The following MYRIP variants were observed in gnomAD, a reference collection of about 807,000 sequenced individuals.
The protein encoded by MYRIP is rab effector MyRIP.
Under a neutral mutation model 98.0 loss-of-function variants are expected in MYRIP, and 49 were observed. The ratio of observed to expected loss-of-function variants is 0.50; its 90% confidence interval spans 0.40 to 0.63. The LOEUF (loss-of-function observed/expected upper bound fraction) is 0.63. Ranked by LOEUF, MYRIP falls within the 30% of genes least tolerant of loss-of-function variation. The pLI is 0.00. For missense variants in MYRIP, 1,004 were observed against 1,058.2 expected, an observed-to-expected ratio of 0.95 and a Z score of 0.71; for synonymous variants, 404 against 409.5, an observed-to-expected ratio of 0.99 and a Z score of 0.16.
chr3:39,946,009 C>CAA (rs5848543), intron 2 of MYRIP, among the ~76,000 whole-genome samples: 30 of 149,406 alleles, frequency 2.0e-4, no homozygotes, highest in African/African-American at 6.1e-4. Context: ...AGGTAATGGC[C>CAA]AAAAAAAAAG....
intron 1 of MYRIP, among the ~76,000 whole-genome samples, chr3:39,872,461 A>G (rs1942828895): frequency 6.6e-6 from 1 of 151,382 alleles, no homozygotes; most frequent in African/African-American, 2.4e-5. Context: ...AGCATTAGTT[A>G]TATCTCCTAA....
intron 1 of MYRIP, among the ~76,000 whole-genome samples, chr3:39,879,793 C>CCA (rs146313980): frequency 4.0e-5 from 6 of 151,274 alleles, no homozygotes; most frequent in East Asian, 1.9e-4. Flanking sequence ...GGCATCTCTC[C>CCA]CACACACACA....
chr3:40,009,630 G>A (rs1946714227), intron 2 of MYRIP, among the ~76,000 whole-genome samples: 1 of 152,146 alleles, frequency 6.6e-6, no homozygotes, highest in Non-Finnish European at 1.5e-5. Context: ...GGGCATACAT[G>A]TCTTCTGGAT....
chr3:40,205,584 A>G lies in MYRIP; in HGVS notation c.1666-4270A>G, dbSNP rs188564333. On this transcript the variant is annotated intron_variant, in intron 10 of 16. Coordinates refer to ENST00000302541, the MANE Select transcript of MYRIP (RefSeq NM_015460.4). ...AGATTACTTAAAATGTTTTGTACCC[A>G]GATACAGACATTGCTCATAGTTATC... is the stretch of plus-strand genomic sequence containing the variant. 1.2e-4 allele frequency among the ~76,000 whole-genome samples: 19 copies of G among 152,310 alleles called. No homozygotes were observed. In the East Asian group the frequency reaches 3.7e-3, roughly 29 times the overall value.
chr3:40,045,561 T>C (rs376244621), intron 3 of MYRIP, among the ~76,000 whole-genome samples: 102 of 152,208 alleles, frequency 6.7e-4, no homozygotes, highest in African/African-American at 2.2e-3. Flanking sequence ...TCAGTCAAGG[T>C]GGGGTAAGCC....
chr3:39,958,281 C>T (rs2125728266), intron 2 of MYRIP, among the ~76,000 whole-genome samples: 1 of 152,262 alleles, frequency 6.6e-6, no homozygotes, highest in South Asian at 2.1e-4. Flanking sequence ...TCAAACTATA[C>T]TACAAGGCTA....
chr3:40,253,090 C>T (rs1953432347), intron 16 of MYRIP, among the ~76,000 whole-genome samples: 1 of 152,158 alleles, frequency 6.6e-6, no homozygotes, highest in African/African-American at 2.4e-5. Flanking sequence ...CAGAATAACC[C>T]ACTGACAGTT....
At position 40,212,257 on chromosome 3, in the gene MYRIP, T is replaced by TGTACAC. The variant is rs1553628243; in HGVS notation, c.1905+2164_1905+2165insGTACAC. The stretch of plus-strand genomic sequence containing the variant: ...ACACACACACACACATATATATATA[T>TGTACAC]ACACGTATATATATAGAGAGAGAGC... On this transcript the variant is annotated intron_variant, in intron 11 of 16. Transcript: ENST00000302541. 2.2e-5 allele frequency among the ~76,000 whole-genome samples: 2 copies of TGTACAC among 91,498 alleles called. 1 individual carries two copies. The highest frequency in any genetic ancestry group is 5.0e-5 in the Non-Finnish European group (2 of 40,122). 60.0% of individuals were successfully genotyped at this position (91,498 alleles called of 152,430 possible). A position where few individuals can be genotyped will look rare whatever the true frequency, so the allele number is the denominator to read the frequency against.
At chr3:40,084,128 C>G (rs1447512603) in intron 3 of MYRIP, among the ~76,000 whole-genome samples, 1 of 74,764 alleles carries the variant, frequency 1.3e-5, no homozygotes, top group African/African-American at 5.8e-5. Context: ...CAGATCGAGA[C>G]TCCATCTCAA....
At chr3:39,933,937 C>T (rs1944599162) in intron 2 of MYRIP, among the ~76,000 whole-genome samples, 1 of 152,150 alleles carries the variant, frequency 6.6e-6, no homozygotes, top group African/African-American at 2.4e-5. Flanking sequence ...CTCAGTGGTT[C>T]TTAAAGGAAG....
rs1296593743 is a variant in MYRIP at position 40,044,078 on chromosome 3, G to A, written c.139G>A (p.Gly47Ser). 2 of 1,613,892 alleles carry A rather than the reference G, an allele frequency of 1.2e-6. No individual in the cohort carries two copies. Among genetic ancestry groups the A allele is most frequent in the African/African-American group, 2.7e-5 (2 of 74,940 alleles). Residue 47 changes from glycine to serine, a missense_variant, in exon 3 of 17, where the codon GGC becomes AGC. Gly to Ser is a moderately conservative substitution (Grantham distance 56). Transcript: ENST00000302541. ...SELKQKLDEE[G>S]SKCSILSKHQ... is the part of the protein sequence containing the mutation. ...GCTGAAGCAGAAGCTGGATGAGGAAGGCAGCAAGTGCAGCATCCTCTCGAA... is the reference window on the plus strand; with the variant it reads ...GCTGAAGCAGAAGCTGGATGAGGAAAGCAGCAAGTGCAGCATCCTCTCGAA...
At chr3:39,971,802 C>T (rs1272015589) in intron 2 of MYRIP, among the ~76,000 whole-genome samples, 2 of 152,000 alleles carry the variant, frequency 1.3e-5, no homozygotes, top group Non-Finnish European at 2.9e-5. Flanking sequence ...GTTCTGTCTT[C>T]GTGGATGAGA....
At chr3:40,246,026 TGCTGGG>T (rs1471789034) in intron 13 of MYRIP, among the ~76,000 whole-genome samples, 2 of 150,394 alleles carry the variant, frequency 1.3e-5, no homozygotes, top group Non-Finnish European at 2.9e-5. Context: ...CCTCCCAAAC[TGCTGGG>T]ATTACAGGTG....
At chr3:40,231,615 A>G (rs1490924174) in intron 11 of MYRIP, among the ~76,000 whole-genome samples, 1 of 152,204 alleles carries the variant, frequency 6.6e-6, no homozygotes, top group Non-Finnish European at 1.5e-5. Flanking sequence ...TACCCTTTTG[A>G]TTGTATGTTC....
At chr3:39,951,180 A>C (rs920305517) in intron 2 of MYRIP, among the ~76,000 whole-genome samples, 1 of 152,128 alleles carries the variant, frequency 6.6e-6, no homozygotes, top group Non-Finnish European at 1.5e-5. Context: ...TCAAACTTTG[A>C]TGTGATGTCA....
chr3:39,973,709 C>T (rs1182910142), intron 2 of MYRIP, among the ~76,000 whole-genome samples: 10 of 151,416 alleles, frequency 6.6e-5, no homozygotes, highest in African/African-American at 1.5e-4. Context: ...TATCTCAGAC[C>T]GCAGTGCAAT....
intron 1 of MYRIP, among the ~76,000 whole-genome samples, chr3:39,845,401 C>T (rs1292759586): frequency 2.0e-5 from 3 of 152,110 alleles, no homozygotes; most frequent in Admixed American, 1.3e-4. Context: ...TATTTATATA[C>T]ATTTTATTTT....
chr3:40,002,477 T>C (rs1394198744), intron 2 of MYRIP, among the ~76,000 whole-genome samples: 1 of 151,828 alleles, frequency 6.6e-6, no homozygotes, highest in Admixed American at 6.6e-5. Flanking sequence ...GGAGGTTGTA[T>C]TGAGCTGAGA....
At position 40,106,944 on chromosome 3, in the gene MYRIP, A is replaced by C. The variant is rs183898209; in HGVS notation, c.333-44104A>C. ...TTTTGATATGCTCTTTATCAACAGCATATAATTGGATATTGATTTTATTAT... is the reference window on the plus strand; with the variant it reads ...TTTTGATATGCTCTTTATCAACAGCCTATAATTGGATATTGATTTTATTAT... On this transcript the variant is annotated intron_variant, in intron 3 of 16. Transcript: ENST00000302541. 1.6e-3 allele frequency among the ~76,000 whole-genome samples: 241 copies of C among 152,166 alleles called. 7 individuals carry two copies. In the South Asian group the frequency reaches 0.048, roughly 30 times the overall value.
Sources: gnomAD v4.1 joint callset for allele counts (sites outside exome capture counted in the v4.1 genomes callset) on GRCh38, gnomAD v4.1.1 for gene constraint, MANE v1.5 for transcripts, NCBI Gene and HGNC (gene_info 2026-07-23, HGNC 2026-07-21) for gene names.